Variants in NR5A2 observed in about 807,000 individuals in gnomAD.
NR5A2 encodes CYP7A promoter-binding factor.
NR5A2 carries 26 observed loss-of-function variants against 62.7 expected under a neutral mutation model. The observed-to-expected ratio is 0.41, with a 90% CI of 0.30 to 0.58. NR5A2 has a LOEUF of 0.58. Ranked by LOEUF, NR5A2 falls within the 20% of genes least tolerant of loss-of-function variation. The pLI, the probability that NR5A2 is intolerant of heterozygous loss-of-function variation, is 0.22. For missense variants in NR5A2, 541 were observed against 669.1 expected, an observed-to-expected ratio of 0.81 and a Z score of 2.11; for synonymous variants, 246 against 241.7, an observed-to-expected ratio of 1.02 and a Z score of -0.16.
chr1:200,038,439 G>A (rs1057050096), intron 1 of NR5A2, among the ~76,000 whole-genome samples: 2 of 152,160 alleles, frequency 1.3e-5, no homozygotes, highest in African/African-American at 4.8e-5. Flanking sequence ...TTGGCTTGTG[G>A]CCCGCCTCTC....
Position 200,048,165 on chromosome 1 carries a change from C to G in NR5A2, c.464-7C>G, listed in dbSNP as rs576060444. On this transcript the variant is annotated splice_region_variant and splice_polypyrimidine_tract_variant and intron_variant, in intron 4 of 7. Coordinates refer to ENST00000367362, the MANE Select transcript of NR5A2 (RefSeq NM_205860.3). The surrounding 1 kb of genome is among the most constrained non-coding windows in gnomAD (Gnocchi z 4.8). The stretch of plus-strand genomic sequence containing the variant: ...TTCCTTCCTTCCCCCCACCCCACCC[C>G]CAACAGCTGTAAGGGCCGACCGAAT... 1.9e-6 allele frequency: 3 copies of G among 1,591,056 alleles called. No homozygotes were observed. The African/African-American group carries it at 4.1e-5, about 22-fold the overall frequency.
chr1:200,087,501 T>C (rs1475264040), intron 5 of NR5A2, among the ~76,000 whole-genome samples: 1 of 151,872 alleles, frequency 6.6e-6, no homozygotes, highest in Non-Finnish European at 1.5e-5. Context: ...TTCAGGCCAT[T>C]CTCCTGCCTC....
intron 1 of NR5A2, among the ~76,000 whole-genome samples, chr1:200,031,016 C>T (rs753015936): frequency 2.0e-5 from 3 of 152,174 alleles, no homozygotes; most frequent in Non-Finnish European, 4.4e-5. Flanking sequence ...CCCTAACCTC[C>T]AGCGAGCTTT....
At chr1:200,069,519 G>A (rs948640185) in intron 5 of NR5A2, among the ~76,000 whole-genome samples, 3 of 152,140 alleles carry the variant, frequency 2.0e-5, no homozygotes, top group Non-Finnish European at 4.4e-5. Context: ...CTTCCAAAGT[G>A]CTGGGATTAC....
At position 200,063,320 on chromosome 1, in the gene NR5A2, G is replaced by A. The variant is rs546552612; in HGVS notation, c.1110+14502G>A. 4.6e-5 allele frequency among the ~76,000 whole-genome samples: 7 copies of A among 152,028 alleles called. No homozygotes were observed. The South Asian group carries it at 1.0e-3, about 23-fold the overall frequency. On this transcript the variant is annotated intron_variant, in intron 5 of 7. Coordinates refer to ENST00000367362, the MANE Select transcript of NR5A2 (RefSeq NM_205860.3). ...ATTACAGATGTGAGCCACCGCACCC[G>A]GCCTAATTTTTGTACTTTTAGTAGA...
At chr1:200,162,583 T>C (rs1487775113) in intron 7 of NR5A2, among the ~76,000 whole-genome samples, 2 of 152,086 alleles carry the variant, frequency 1.3e-5, no homozygotes, top group Non-Finnish European at 2.9e-5. Context: ...GTGAGGAAAA[T>C]GCATTTGGAG....
At chr1:200,094,451 C>T (rs946934922) in intron 5 of NR5A2, among the ~76,000 whole-genome samples, 7 of 147,982 alleles carry the variant, frequency 4.7e-5, no homozygotes, top group Admixed American at 4.1e-4. Context: ...TCCGAAAGTA[C>T]TAGGATTACA....
chr1:200,099,009 T>C (rs1015314791), intron 5 of NR5A2, among the ~76,000 whole-genome samples: 1 of 152,250 alleles, frequency 6.6e-6, no homozygotes. Flanking sequence ...TACTACTTTC[T>C]ATGAATCCAT....
intron 6 of NR5A2, among the ~76,000 whole-genome samples, 158 bp downstream of exon 6, chr1:200,111,479 C>T (rs1665955516): frequency 6.6e-6 from 1 of 152,172 alleles, no homozygotes; most frequent in Admixed American, 6.6e-5. Flanking sequence ...TCTGTTCCTG[C>T]TCTGATTATT....
At chr1:200,101,639 A>G (rs761362836) in intron 5 of NR5A2, among the ~76,000 whole-genome samples, 6 of 152,188 alleles carry the variant, frequency 3.9e-5, no homozygotes, top group Non-Finnish European at 7.3e-5. Context: ...TTGATTCCAT[A>G]AGCCACTTTC....
intron 1 of NR5A2, among the ~76,000 whole-genome samples, chr1:200,034,392 C>G (rs867090892): frequency 6.6e-6 from 1 of 152,274 alleles, no homozygotes; most frequent in African/African-American, 2.4e-5. Flanking sequence ...AAGACCGGAT[C>G]TCCCTGTTAC....
At chr1:200,063,916 A>T (rs1199028183) in intron 5 of NR5A2, among the ~76,000 whole-genome samples, 1 of 152,230 alleles carries the variant, frequency 6.6e-6, no homozygotes. Flanking sequence ...TGGGAGGCTG[A>T]GGCAGGAGGA....
At chr1:200,058,668 G>A (rs533053692) in intron 5 of NR5A2, among the ~76,000 whole-genome samples, 1 of 151,184 alleles carries the variant, frequency 6.6e-6, no homozygotes, top group East Asian at 2.0e-4. Context: ...TAGTAGAGGC[G>A]GGGTTTCACC....
In NR5A2 at chr1:200,039,757, C is replaced by T. The variant is rs1416474255; in HGVS notation, c.164C>T (p.Ser55Leu). 8.7e-6 allele frequency: 14 copies of T among 1,610,272 alleles called. No individual in the cohort carries two copies. The highest frequency in any genetic ancestry group is 1.2e-5 in the Non-Finnish European group (14 of 1,178,462). Residue 55 changes from serine to leucine, a missense_variant, in exon 2 of 8, where the codon TCG (serine) becomes TTG (leucine). This residue lies in a region of NR5A2 where 108 missense variants were observed against 103.3 expected (regional missense o/e 1.05). Transcript: ENST00000367362. This position sits in a 1 kb window ranked among gnomAD's most constrained non-coding sequence, Gnocchi z 5.1. ...ACGGAAGCCCTGGGACTGGCTCGAT[C>T]GCATGGGGAACAGGGCCAGATGCCG... is the stretch of plus-strand genomic sequence containing the variant. ...VETEALGLAR[S>L]HGEQGQMPEN...
chr1:200,135,924 C>T (rs1241257680), intron 7 of NR5A2, among the ~76,000 whole-genome samples: 2 of 152,198 alleles, frequency 1.3e-5, no homozygotes, highest in Non-Finnish European at 2.9e-5. Flanking sequence ...ATCTTTCTCA[C>T]GTCAGCAATA....
intron 7 of NR5A2, among the ~76,000 whole-genome samples, chr1:200,166,495 T>C (rs908445851): frequency 6.6e-6 from 1 of 152,226 alleles, no homozygotes; most frequent in Non-Finnish European, 1.5e-5. Context: ...ATTCAAATTA[T>C]CTGAAAACCA....
At chr1:200,150,711 A>G (rs1281161588) in intron 7 of NR5A2, among the ~76,000 whole-genome samples, 2 of 152,228 alleles carry the variant, frequency 1.3e-5, no homozygotes, top group East Asian at 1.9e-4. Context: ...AGTCTTCACT[A>G]TTGATTTAAG....
intron 1 of NR5A2, among the ~76,000 whole-genome samples, chr1:200,037,614 T>TA: frequency 6.6e-6 from 1 of 152,360 alleles, no homozygotes; most frequent in African/African-American, 2.4e-5. Context: ...CAACTAGGAA[T>TA]ACTGAAATGT....
intron 7 of NR5A2, among the ~76,000 whole-genome samples, chr1:200,138,450 T>C (rs2737619): frequency 0.57 from 86,656 of 152,070 alleles, 25,284 homozygotes; most frequent in Middle Eastern, 0.68. Context: ...TTTTTCCATA[T>C]AATTTTTGCT....
Sources: gnomAD v4.1 joint callset for allele counts (sites outside exome capture counted in the v4.1 genomes callset) on GRCh38, gnomAD v4.1.1 for gene constraint, gnomAD v4.1.1 regional missense constraint, Gnocchi (gnomAD v3.1) non-coding constraint, MANE v1.5 for transcripts, NCBI Gene and HGNC (gene_info 2026-07-23, HGNC 2026-07-21) for gene names.